The following CPNE3 variants were observed in gnomAD, a reference collection of about 807,000 sequenced individuals.
CPNE3 encodes the protein copine-3.
A neutral mutation model predicts 63.9 loss-of-function variants in CPNE3; 68 were observed. The observed-to-expected ratio is 1.06, with a 90% CI of 0.87 to 1.30. CPNE3 has a LOEUF of 1.30. Ranked by LOEUF, CPNE3 falls within the 50% of genes most tolerant of loss-of-function variation. CPNE3 has a pLI of 0.00. For missense variants in CPNE3, 665 were observed against 578.1 expected, an observed-to-expected ratio of 1.15 and a Z score of -1.54; for synonymous variants, 219 against 197.5, an observed-to-expected ratio of 1.11 and a Z score of -0.91.
At chr8:86,547,669 A>G (rs933445185) in intron 10 of CPNE3, 42 bp from the exon 11 acceptor site, 1 of 846,970 alleles carries the variant, frequency 1.2e-6, no homozygotes, top group Non-Finnish European at 2.0e-6. Flanking sequence ...CTTCTCTTGT[A>G]TAGTAGGAGA....
At chr8:86,540,905 CA>C (rs1408747779) in intron 8 of CPNE3, among the ~76,000 whole-genome samples, 1 of 151,788 alleles carries the variant, frequency 6.6e-6, no homozygotes, top group Non-Finnish European at 1.5e-5. Flanking sequence ...TGTTTTTATT[CA>C]TAGGCATTTA....
intron 1 of CPNE3, 65 bp downstream of exon 1, chr8:86,514,606 G>A (rs538342818): frequency 6.6e-6 from 1 of 152,366 alleles, no homozygotes; most frequent in African/African-American, 2.4e-5. Flanking sequence ...GTACCGCCCG[G>A]GGGAAAAGGA....
At chr8:86,524,853 T>TTTCTTTCTTTCTTTCTTTCTTTCC (rs1820508182) in intron 2 of CPNE3, 1 of 146,334 alleles carries the variant, frequency 6.8e-6, no homozygotes, top group Non-Finnish European at 1.5e-5. Flanking sequence ...TTCATTTTTC[T>TTTCTTTCTTTCTTTCTTTCTTTCC]TTCTTTCTTT....
intron 7 of CPNE3, among the ~76,000 whole-genome samples, chr8:86,538,336 C>G (rs1820852369): frequency 1.3e-5 from 2 of 152,156 alleles, no homozygotes; most frequent in Non-Finnish European, 2.9e-5. Context: ...GATCGCACCA[C>G]TGCACTCCAT....
intron 6 of CPNE3, among the ~76,000 whole-genome samples, chr8:86,535,247 A>T (rs1820777113): frequency 6.6e-6 from 1 of 151,886 alleles, no homozygotes; most frequent in Non-Finnish European, 1.5e-5. Context: ...GTCCACTGCT[A>T]GGGGTACTCA....
At chr8:86,549,745 C>T (rs1821130550) in intron 12 of CPNE3, among the ~76,000 whole-genome samples, 1 of 152,152 alleles carries the variant, frequency 6.6e-6, no homozygotes, top group African/African-American at 2.4e-5. Flanking sequence ...TCACAGCTTC[C>T]CTCCGGGGTT....
chr8:86,515,592 A>G (rs1352174223), intron 2 of CPNE3, 93 bp downstream of exon 2: 2 of 152,210 alleles, frequency 1.3e-5, no homozygotes, highest in Non-Finnish European at 2.9e-5. Context: ...ATTCTTTGGG[A>G]TAAGCCAGAT....
intron 6 of CPNE3, among the ~76,000 whole-genome samples, chr8:86,534,864 A>G (rs1261187734): frequency 3.3e-5 from 5 of 152,212 alleles, no homozygotes; most frequent in Non-Finnish European, 7.3e-5. Context: ...TTGGTTCCCT[A>G]GCATCCACTA....
chr8:86,526,520 GT>G (rs555527797), intron 2 of CPNE3, among the ~76,000 whole-genome samples: 2 of 144,710 alleles, frequency 1.4e-5, no homozygotes, highest in African/African-American at 2.6e-5. Flanking sequence ...TGTTTGTTTT[GT>G]TTTTTTTTTG....
chr8:86,532,033 A>T (rs1563690031), intron 5 of CPNE3, among the ~76,000 whole-genome samples: 1 of 152,236 alleles, frequency 6.6e-6, no homozygotes, highest in Non-Finnish European at 1.5e-5. Flanking sequence ...CATTATCAGT[A>T]GTTAGCTTCC....
chr8:86,533,024 T>TTACC (rs1554600725), intron 6 of CPNE3, among the ~76,000 whole-genome samples: 1 of 145,504 alleles, frequency 6.9e-6, no homozygotes, highest in African/African-American at 2.6e-5. Context: ...TTTATCTATC[T>TTACC]TATCTATCTA....
At chr8:86,535,901 A>G (rs905623085) in intron 6 of CPNE3, among the ~76,000 whole-genome samples, 2 of 152,102 alleles carry the variant, frequency 1.3e-5, no homozygotes, top group African/African-American at 2.4e-5. Flanking sequence ...ACATAGTCAC[A>G]TTCTTATGAT....
At chr8:86,541,928 T>C (rs192913396) in intron 8 of CPNE3, among the ~76,000 whole-genome samples, 200 of 152,278 alleles carry the variant, frequency 1.3e-3, no homozygotes, top group African/African-American at 4.6e-3. Context: ...ATAGTAAACA[T>C]CATTAGATGT....
rs943344199 is a variant in CPNE3 at position 86,561,420 on chromosome 8, A to C, written c.*3010A>C. On this transcript the variant is annotated 3_prime_UTR_variant, in exon 17 of 17. Coordinates refer to ENST00000517490, the MANE Select transcript of CPNE3 (RefSeq NM_003909.5). ...AAGTTATTTCTTGATGTGACAGAGT[A>C]GTGTGTTTTCATTTTTATTCTTTAC... is the stretch of plus-strand genomic sequence containing the variant. The C allele has an allele frequency of 1.3e-5, 2 of 152,236 alleles. No individual in the cohort carries two copies. Among genetic ancestry groups the C allele is most frequent in the Non-Finnish European group, 2.9e-5 (2 of 68,044 alleles). 9.4% of individuals were successfully genotyped at this position (152,236 alleles called of 1,614,324 possible).
At chr8:86,549,413 T>A (rs1586847519) in intron 12 of CPNE3, among the ~76,000 whole-genome samples, 1 of 152,196 alleles carries the variant, frequency 6.6e-6, no homozygotes, top group East Asian at 1.9e-4. Context: ...AAAGTATTAT[T>A]GCAATTATCT....
intron 2 of CPNE3, among the ~76,000 whole-genome samples, chr8:86,520,208 C>A (rs1218641375): frequency 1.3e-5 from 2 of 152,108 alleles, no homozygotes; most frequent in African/African-American, 2.4e-5. Flanking sequence ...TGGAAAAGAC[C>A]TTAAGAATTA....
At position 86,554,352 on chromosome 8, in the gene CPNE3, A is replaced by C. The variant is rs115148916; in HGVS notation, c.1121-499A>C. Among the ~76,000 whole-genome samples, 1,506 of 152,294 alleles carry C rather than the reference A, an allele frequency of 9.9e-3. 25 individuals carry two copies. Among genetic ancestry groups the C allele is most frequent in the African/African-American group, 0.034 (1,420 of 41,558 alleles). On this transcript the variant is annotated intron_variant, in intron 14 of 16. Coordinates refer to ENST00000517490, the MANE Select transcript of CPNE3 (RefSeq NM_003909.5). ...AATGCAGTCTGTGATACAATGATTA[A>C]CCTTTAACTTATTGAATAAACACTT...
At chr8:86,518,737 A>G (rs1288045246) in intron 2 of CPNE3, among the ~76,000 whole-genome samples, 1 of 151,670 alleles carries the variant, frequency 6.6e-6, no homozygotes, top group Non-Finnish European at 1.5e-5. Context: ...TAGGTAGCTA[A>G]TAAGTTCTGA....
intron 7 of CPNE3, among the ~76,000 whole-genome samples, chr8:86,538,199 A>G (rs989494281): frequency 6.6e-6 from 1 of 152,096 alleles, no homozygotes; most frequent in African/African-American, 2.4e-5. Context: ...ACATGGTGAA[A>G]CCCCGTCTCT....
Sources: gnomAD v4.1 joint callset for allele counts (sites outside exome capture counted in the v4.1 genomes callset) on GRCh38, gnomAD v4.1.1 for gene constraint, MANE v1.5 for transcripts, NCBI Gene and HGNC (gene_info 2026-07-23, HGNC 2026-07-21) for gene names.